Variants in SLC14A2 observed in about 807,000 individuals in gnomAD.
SLC14A2 encodes the protein urea transporter 2.
In SLC14A2, 91 loss-of-function variants were observed where a neutral mutation model predicts 104.6. The ratio of observed to expected loss-of-function variants is 0.87; its 90% CI spans 0.73 to 1.04. The LOEUF is 1.04. SLC14A2 is among the 50% of genes least tolerant of loss of function. The pLI, the probability that SLC14A2 is intolerant of heterozygous loss-of-function variation, is 0.00. For synonymous variants in SLC14A2, 476 were observed against 466.4 expected, an observed-to-expected ratio of 1.02 and a Z score of -0.27; for missense variants, 1,189 against 1,156.0, an observed-to-expected ratio of 1.03 and a Z score of -0.41.
intron 1 of SLC14A2, among the ~76,000 whole-genome samples, chr18:45,405,668 C>T (rs905605125): frequency 6.6e-6 from 1 of 151,988 alleles, no homozygotes; most frequent in Non-Finnish European, 1.5e-5. Context: ...TTTGGGAGGC[C>T]GAGGCAGGTG....
intron 1 of SLC14A2, among the ~76,000 whole-genome samples, chr18:45,226,072 C>G (rs1304544349): frequency 6.6e-6 from 1 of 152,110 alleles, no homozygotes; most frequent in Non-Finnish European, 1.5e-5. Context: ...TGAAAAAATG[C>G]TCATCATCAC....
At chr18:45,431,900 A>G (rs956268552) in intron 1 of SLC14A2, among the ~76,000 whole-genome samples, 4 of 152,180 alleles carry the variant, frequency 2.6e-5, no homozygotes, top group African/African-American at 9.6e-5. Flanking sequence ...CCCTGATTAG[A>G]ACCCTTGGCC....
rs775359156 is a variant in SLC14A2, at chr18:45,641,312, C to T, written c.1095C>T (p.Thr365=). The change falls in exon 8 of 20, where the codon ACC becomes ACT. Residue 365 remains threonine, a synonymous_variant. Coordinates refer to ENST00000255226, the MANE Select transcript of SLC14A2 (RefSeq NM_007163.4). ...TCGGAGGCATGTTCTATGCCCTCAC[C>T]TGGCAGACTCACCTGCTGGCCCTCA... The part of the protein sequence containing the change: ...IAIGGMFYAL[T]WQTHLLALIC... The T allele has an allele frequency of 6.2e-7, 1 of 1,614,218 alleles. No homozygotes were observed. Among genetic ancestry groups the T allele is most frequent in the South Asian group, 1.1e-5 (1 of 91,088 alleles).
At chr18:45,594,402 C>A (rs911282751) in intron 2 of SLC14A2, among the ~76,000 whole-genome samples, 1 of 152,206 alleles carries the variant, frequency 6.6e-6, no homozygotes, top group Non-Finnish European at 1.5e-5. Context: ...CCCATAGACT[C>A]ATCTGGTCAG....
chr18:45,398,621 A>G (rs1040199939), intron 1 of SLC14A2, among the ~76,000 whole-genome samples: 9 of 152,212 alleles, frequency 5.9e-5, no homozygotes, highest in African/African-American at 2.2e-4. Context: ...CAGCCACAAT[A>G]AGGAATGAAA....
At chr18:45,637,950 G>A (rs1160618205) in intron 6 of SLC14A2, among the ~76,000 whole-genome samples, 7 of 152,306 alleles carry the variant, frequency 4.6e-5, no homozygotes, top group South Asian at 2.1e-4. Flanking sequence ...AGGGAAGGCC[G>A]CCCTGGGGCA....
intron 18 of SLC14A2, among the ~76,000 whole-genome samples, chr18:45,677,341 G>A (rs1415848417): frequency 6.6e-6 from 1 of 152,212 alleles, no homozygotes; most frequent in East Asian, 1.9e-4. Context: ...ACCAAGCCCA[G>A]AGTCCCACTC....
chr18:45,665,228 G>A (rs946465974), intron 11 of SLC14A2, among the ~76,000 whole-genome samples: 3 of 152,102 alleles, frequency 2.0e-5, no homozygotes, highest in East Asian at 1.9e-4. Context: ...CAGAACGGGG[G>A]AACAGGCAAT....
At chr18:45,649,721 G>A (rs892639488) in intron 10 of SLC14A2, among the ~76,000 whole-genome samples, 19 of 152,348 alleles carry the variant, frequency 1.2e-4, no homozygotes, top group Middle Eastern at 3.4e-3. Flanking sequence ...TTTTGGAGGC[G>A]AGGGGCTCCT....
chr18:45,549,441 A>G (rs1460141318), intron 2 of SLC14A2, among the ~76,000 whole-genome samples: 4 of 152,222 alleles, frequency 2.6e-5, no homozygotes, highest in Admixed American at 2.0e-4. Flanking sequence ...GTGCAGCCCC[A>G]GCTCTGCCTT....
At chr18:45,268,576 A>C (rs8088202) in intron 1 of SLC14A2, among the ~76,000 whole-genome samples, 4,117 of 152,286 alleles carry the variant, frequency 0.027, 200 homozygotes, top group African/African-American at 0.094. Context: ...TCTCTTTGGG[A>C]TAGCAACACG....
intron 1 of SLC14A2, among the ~76,000 whole-genome samples, chr18:45,254,348 A>G (rs1169664887): frequency 6.6e-6 from 1 of 152,244 alleles, no homozygotes; most frequent in Non-Finnish European, 1.5e-5. Context: ...AGCAGCCTTG[A>G]AGACAAGTCC....
At chr18:45,279,526 T>C (rs1328847268) in intron 1 of SLC14A2, among the ~76,000 whole-genome samples, 1 of 152,136 alleles carries the variant, frequency 6.6e-6, no homozygotes, top group Admixed American at 6.5e-5. Context: ...CATCTACTAC[T>C]ATTGGGTTTT....
At chr18:45,613,076 C>CTT (rs2044998226), upstream of SLC14A2, among the ~76,000 whole-genome samples, 1 of 152,182 alleles carries the variant, frequency 6.6e-6, no homozygotes, top group Non-Finnish European at 1.5e-5. Flanking sequence ...ACTCTGTCGC[C>CTT]CAGGCTGGAG....
chr18:45,409,508 C>T (rs1159284596), intron 1 of SLC14A2, among the ~76,000 whole-genome samples: 1 of 152,242 alleles, frequency 6.6e-6, no homozygotes, highest in Non-Finnish European at 1.5e-5. Flanking sequence ...TCTTCACTCC[C>T]CAAAGTATTA....
At chr18:45,675,355 G>C (rs183628074) in intron 18 of SLC14A2, among the ~76,000 whole-genome samples, 1 of 152,252 alleles carries the variant, frequency 6.6e-6, no homozygotes, top group Admixed American at 6.5e-5. Flanking sequence ...TGGTGCCTGA[G>C]GCTAAGGGAG....
At chr18:45,276,128 G>A (rs2084699860) in intron 1 of SLC14A2, among the ~76,000 whole-genome samples, 1 of 152,244 alleles carries the variant, frequency 6.6e-6, no homozygotes. Flanking sequence ...ATAGAAGTGT[G>A]TGAGGCAGAG....
At chr18:45,454,667 A>G (rs1169827394) in intron 1 of SLC14A2, among the ~76,000 whole-genome samples, 6 of 152,128 alleles carry the variant, frequency 3.9e-5, no homozygotes, top group Admixed American at 3.9e-4. Flanking sequence ...ATCCACCTTG[A>G]GTTAATTTTT....
chr18:45,236,399 ATGTG>A, intron 1 of SLC14A2, among the ~76,000 whole-genome samples: 1 of 13,870 alleles, frequency 7.2e-5, no homozygotes, highest in East Asian at 2.1e-3. Context: ...GTGTGTATAT[ATGTG>A]TATATATACA....
Sources: gnomAD v4.1 joint callset for allele counts (sites outside exome capture counted in the v4.1 genomes callset) on GRCh38, gnomAD v4.1.1 for gene constraint, MANE v1.5 for transcripts, NCBI Gene and HGNC (gene_info 2026-07-23, HGNC 2026-07-21) for gene names.